Variants in PPP1R10 observed in about 807,000 individuals in gnomAD.
PPP1R10 encodes the protein serine/threonine-protein phosphatase 1 regulatory subunit 10.
In PPP1R10, 15 loss-of-function variants were observed where a neutral mutation model predicts 99.0. The observed-to-expected ratio is 0.15, with a 90% CI of 0.10 to 0.23. The LOEUF is 0.23. Ranked by LOEUF, PPP1R10 falls within the 10% of genes least tolerant of loss-of-function variation. The pLI, the probability that PPP1R10 is intolerant of heterozygous loss-of-function variation, is 1.00. For missense variants in PPP1R10, 947 were observed against 1,259.4 expected (o/e 0.75, Z 3.75); for synonymous variants, 430 against 449.5 (o/e 0.96, Z 0.55).
Position 30,606,003 on chromosome 6 carries a change from G to T in PPP1R10, c.773C>A (p.Pro258His). 1.2e-6 allele frequency: 2 copies of T among 1,614,050 alleles called. No individual in the cohort carries two copies. Among genetic ancestry groups the T allele is most frequent in the Non-Finnish European group, 1.7e-6 (2 of 1,179,984 alleles). Residue 258 changes from proline (P) to histidine (H), a missense_variant, in exon 10 of 20, where the codon CCT becomes CAT. Physicochemically the swap from Pro to His is moderately conservative, Grantham distance 77. Coordinates refer to ENST00000376511, the MANE Select transcript of PPP1R10 (RefSeq NM_002714.4). The surrounding 1 kb of genome is among the most constrained non-coding windows in gnomAD (Gnocchi z 6.3). ...NVAAPGDATP[P>H]AEKKYKPLNT... ...GAGTGGCTTGTATTTCTTCTCTGCA[G>T]GGGGAGTGGCATCTCCTGGAGCAGC...
intron 2 of PPP1R10, among the ~76,000 whole-genome samples, chr6:30,615,968 G>A (rs1760476087): frequency 6.6e-6 from 1 of 151,996 alleles, no homozygotes. Context: ...ACTTCTCTCT[G>A]CCCATCTCCT....
chr6:30,616,323 G>T (rs1214799267), intron 2 of PPP1R10, among the ~76,000 whole-genome samples, 155 bp downstream of exon 2: 1 of 152,162 alleles, frequency 6.6e-6, no homozygotes, highest in African/African-American at 2.4e-5. Flanking sequence ...TAGACCCACA[G>T]GCCCTTTTTA....
Position 30,609,780 on chromosome 6 carries a change from T to C in PPP1R10, c.107+58A>G, listed in dbSNP as rs1448165291. ...TTCCAGTGTGCCTCAACTGCAGCCA[T>C]GTTTTAACACACAATATTCTCTACT... On this transcript the variant is annotated intron_variant, in intron 3 of 19. Transcript: ENST00000376511. The surrounding 1 kb of genome is among the most constrained non-coding windows in gnomAD (Gnocchi z 4.5). 2 of 1,454,014 alleles carry C rather than the reference T, an allele frequency of 1.4e-6. No individual in the cohort carries two copies. The highest frequency in any genetic ancestry group is 1.1e-5 in the South Asian group (1 of 87,696). 90.1% of individuals were successfully genotyped at this position (1,454,014 alleles called of 1,614,324 possible).
intron 2 of PPP1R10, among the ~76,000 whole-genome samples, chr6:30,613,065 T>C (rs780936493): frequency 6.6e-6 from 1 of 152,220 alleles, no homozygotes; most frequent in Non-Finnish European, 1.5e-5. Flanking sequence ...AAGCTATGCG[T>C]TCCTTATGGA....
rs114576811 is a variant in PPP1R10 at position 30,604,604 on chromosome 6, C to T, written c.1086G>A (p.Pro362=). The change falls in exon 12 of 20, where the codon CCG becomes CCA. Residue 362 remains proline, a synonymous_variant. Coordinates refer to ENST00000376511, the MANE Select transcript of PPP1R10 (RefSeq NM_002714.4). This position sits in a 1 kb window ranked among gnomAD's most constrained non-coding sequence, Gnocchi z 7.3. ...CTAGATTACCTGTATCCATGAGCTCCGGGACTTCAACAGGGGGAACCGGGG... is the reference window on the plus strand; with the variant it reads ...CTAGATTACCTGTATCCATGAGCTCTGGGACTTCAACAGGGGGAACCGGGG... The part of the protein sequence containing the change: ...PGTPVPPVEV[P]ELMDTASLEP... 50 of 1,613,022 alleles carry T rather than the reference C, an allele frequency of 3.1e-5. No individual in the cohort carries two copies. The African/African-American group carries it at 4.7e-4, about 15-fold the overall frequency.
intron 2 of PPP1R10, among the ~76,000 whole-genome samples, chr6:30,615,648 A>G (rs566703385): frequency 1.3e-5 from 2 of 152,294 alleles, no homozygotes; most frequent in East Asian, 1.9e-4. Flanking sequence ...TTATACTCCT[A>G]AATTCCACAT....
In PPP1R10 at chr6:30,601,367, T is replaced by C; in HGVS notation, c.*182A>G. On this transcript the variant is annotated 3_prime_UTR_variant, in exon 20 of 20. Coordinates refer to ENST00000376511, the MANE Select transcript of PPP1R10 (RefSeq NM_002714.4). ...CTCCTCCCCAGACTGGAGGAAAATATGTACATCAATGCGCACCAGTGATCA... is the reference window on the plus strand; with the variant it reads ...CTCCTCCCCAGACTGGAGGAAAATACGTACATCAATGCGCACCAGTGATCA... The C allele has an allele frequency of 6.7e-6, 4 of 593,194 alleles. No homozygotes were observed. The highest frequency in any genetic ancestry group is 3.0e-6 in the Non-Finnish European group (1 of 332,440). The allele number at this position is 593,194 out of a possible 1,614,324, so 36.7% of individuals were successfully genotyped here.
At chr6:30,601,839 G>C in intron 19 of PPP1R10, 97 bp downstream of exon 19, 1 of 1,412,450 alleles carries the variant, frequency 7.1e-7, no homozygotes, top group Non-Finnish European at 9.3e-7. Flanking sequence ...GGTACCTCAC[G>C]TTCTGCCTAG....
rs1333250705 is a variant in PPP1R10, at chr6:30,606,579, A to G, written c.523T>C (p.Leu175=). Residue 175 remains leucine, a synonymous_variant, in exon 8 of 20, where the codon TTG becomes CTG. Transcript: ENST00000376511. The surrounding 1 kb of genome is among the most constrained non-coding windows in gnomAD (Gnocchi z 6.3). ...KSRTTLPERP[L]TEVKAETRAE... ...CGGGTCTCAGCCTTCACCTCTGTCA[A>G]AGGTCGCTCAGGAAGGGTAGTTCGA... The G allele has an allele frequency of 1.2e-6, 2 of 1,614,092 alleles. No homozygotes were observed. The highest frequency in any genetic ancestry group is 2.2e-5 in the East Asian group (1 of 44,882).
intron 2 of PPP1R10, among the ~76,000 whole-genome samples, chr6:30,612,805 G>A (rs774706574): frequency 1.3e-5 from 2 of 152,074 alleles, no homozygotes; most frequent in Non-Finnish European, 2.9e-5. Flanking sequence ...CCAACATTTC[G>A]GGCACAGGGC....
In PPP1R10 at chr6:30,602,454, C is replaced by T. The variant is rs1393718526; in HGVS notation, c.2195G>A (p.Gly732Glu). The change falls in exon 19 of 20, where the codon GGA becomes GAA. Residue 732 changes from glycine to glutamate, a missense_variant. Gly to Glu is a moderately conservative substitution (Grantham distance 98, BLOSUM62 -2). This residue lies in a region of PPP1R10 where 525 missense variants were observed against 578.8 expected (regional missense o/e 0.91). Transcript: ENST00000376511. This position sits in a 1 kb window ranked among gnomAD's most constrained non-coding sequence, Gnocchi z 6.7. ...FRGARGGRSG[G>E]GPPNGRGGPG... ...GCCCCCTCGTCCATTTGGGGGTCCTCCTCCAGAGCGACCTCCTCTGGCGCC... is the reference window on the plus strand; with the variant it reads ...GCCCCCTCGTCCATTTGGGGGTCCTTCTCCAGAGCGACCTCCTCTGGCGCC... 9.4e-6 allele frequency: 15 copies of T among 1,600,126 alleles called. No individual in the cohort carries two copies. The highest frequency in any genetic ancestry group is 1.1e-5 in the Non-Finnish European group (13 of 1,171,446).
Position 30,600,937 on chromosome 6 carries a change from T to C in PPP1R10, c.*612A>G, listed in dbSNP as rs567371846. 1 of 152,758 alleles carries C rather than the reference T, an allele frequency of 6.5e-6. No individual in the cohort carries two copies. The highest frequency in any genetic ancestry group is 1.5e-5 in the Non-Finnish European group (1 of 68,136). The allele number at this position is 152,758 out of a possible 1,614,324, so 9.5% of individuals were successfully genotyped here. On this transcript the variant is annotated 3_prime_UTR_variant, in exon 20 of 20. Transcript: ENST00000376511. ...TAGCAGACCCAGGACGCAGACTGGG[T>C]GTTCACAGAAAGTTGAAGGTCCCAC...
At chr6:30,607,723 C>T (rs1211581696) in intron 6 of PPP1R10, 117 bp downstream of exon 6, 1 of 1,128,822 alleles carries the variant, frequency 8.9e-7, no homozygotes, top group Non-Finnish European at 1.3e-6. Flanking sequence ...GGAAAAAAAG[C>T]AAGGTGAGGT....
Position 30,602,618 on chromosome 6 carries a change from A to G in PPP1R10, c.2031T>C (p.Asp677=), listed in dbSNP as rs1446310225. ...GGTCGCCCGGGCCATCCCAGAAGGG[A>G]TCACCTCCCCGGGGAGGGGGTGGAG... is the stretch of plus-strand genomic sequence containing the variant. ...LGPPPPPRGG[D]PFWDGPGDPM... is the part of the protein sequence containing the mutation. The change falls in exon 19 of 20, where the codon GAT becomes GAC. Residue 677 remains aspartate, a synonymous_variant. Transcript: ENST00000376511. The surrounding 1 kb of genome is among the most constrained non-coding windows in gnomAD (Gnocchi z 6.7). 4 of 1,586,380 alleles carry G rather than the reference A, an allele frequency of 2.5e-6. No individual in the cohort carries two copies. The highest frequency in any genetic ancestry group is 1.1e-5 in the South Asian group (1 of 87,896).
intron 2 of PPP1R10, among the ~76,000 whole-genome samples, chr6:30,615,760 G>A (rs1045460486): frequency 3.3e-5 from 5 of 151,896 alleles, no homozygotes; most frequent in African/African-American, 7.3e-5. Flanking sequence ...TATGCAATCT[G>A]CAACAATTAT....
rs1217993965 is a variant in PPP1R10 at position 30,604,487 on chromosome 6, T to A, written c.1127A>T (p.Asp376Val). Residue 376 changes from aspartate to valine, a missense_variant, in exon 13 of 20, where the codon GAT becomes GTT. This residue lies in a region of PPP1R10 where 100 missense variants were observed against 105.8 expected (regional missense o/e 0.94). Transcript: ENST00000376511. The surrounding 1 kb of genome is among the most constrained non-coding windows in gnomAD (Gnocchi z 7.3). Reference sequence around the variant, plus strand: ...TCCAGGACTCTCCACTGGCTTGGCATCCAGAGCTCCTGGCTCCAAAGAGGC... The same window carrying A: ...TCCAGGACTCTCCACTGGCTTGGCAACCAGAGCTCCTGGCTCCAAAGAGGC... Reference protein sequence around the residue: ...DTASLEPGALDAKPVESPGDP... With the variant: ...DTASLEPGALVAKPVESPGDP... The A allele has an allele frequency of 6.2e-7, 1 of 1,613,052 alleles. No homozygotes were observed. Among genetic ancestry groups the A allele is most frequent in the East Asian group, 2.2e-5 (1 of 44,874 alleles).
chr6:30,603,607 G>A lies in PPP1R10; in HGVS notation c.1632C>T (p.Gly544=), dbSNP rs1237768727. 1 of 1,613,862 alleles carries A rather than the reference G, an allele frequency of 6.2e-7. No homozygotes were observed. Among genetic ancestry groups the A allele is most frequent in the Non-Finnish European group, 8.5e-7 (1 of 1,179,904 alleles). Reference sequence around the variant, plus strand: ...TGGAGCCTCCTGCCCCATCAGGTGAGCCACCTGACCCCCCAGGTTCCAGAG... The same window carrying A: ...TGGAGCCTCCTGCCCCATCAGGTGAACCACCTGACCCCCCAGGTTCCAGAG... ...VETLEPGGSG[G]SPDGAGGSKL... Residue 544 remains glycine, a synonymous_variant, in exon 16 of 20, where the codon GGC becomes GGT. Transcript: ENST00000376511.
At position 30,605,008 on chromosome 6, in the gene PPP1R10, G is replaced by T. The variant is rs747579632; in HGVS notation, c.940C>A (p.Pro314Thr). 1 of 1,612,974 alleles carries T rather than the reference G, an allele frequency of 6.2e-7. No homozygotes were observed. The highest frequency in any genetic ancestry group is 1.7e-5 in the Admixed American group (1 of 60,022). ...KIKKKKKVLS[P>T]TAAKPSPFEG... ...GGAGCCCATACCTTGGCAGCCGTAGGTGACAGTACTTTTTTTTTCTTCTTA... is the reference window on the plus strand; with the variant it reads ...GGAGCCCATACCTTGGCAGCCGTAGTTGACAGTACTTTTTTTTTCTTCTTA... Residue 314 changes from proline (P) to threonine (T), a missense_variant, in exon 11 of 20, where the codon CCT becomes ACT. By Grantham distance (38) the Pro-to-Thr change is conservative (BLOSUM62 -1). Around this residue, in one of 10 missense-constraint regions of PPP1R10, gnomAD observed 26 missense variants for 56.6 expected, o/e 0.46. Coordinates refer to ENST00000376511, the MANE Select transcript of PPP1R10 (RefSeq NM_002714.4).
In PPP1R10 at chr6:30,608,806, T is replaced by C. The variant is rs1297274696; in HGVS notation, c.303A>G (p.Leu101=). ...GCTTGAGATGGTCTACAGTGAGCGG[T>C]AGATGCTGCAGGGTCAGTAGAATTT... ...LQQILLTLQH[L]PLTVDHLKQN... Residue 101 remains leucine (L), a synonymous_variant, in exon 5 of 20, where the codon CTA becomes CTG. Transcript: ENST00000376511. 2.5e-6 allele frequency: 4 copies of C among 1,614,062 alleles called. No individual in the cohort carries two copies. The highest frequency in any genetic ancestry group is 3.4e-6 in the Non-Finnish European group (4 of 1,179,968).
Sources: gnomAD v4.1 joint callset for allele counts (sites outside exome capture counted in the v4.1 genomes callset) on GRCh38, gnomAD v4.1.1 for gene constraint, gnomAD v4.1.1 regional missense constraint, Gnocchi (gnomAD v3.1) non-coding constraint, MANE v1.5 for transcripts, NCBI Gene and HGNC (gene_info 2026-07-23, HGNC 2026-07-21) for gene names.